The following DNLZ variants were observed in gnomAD, a reference collection of about 807,000 sequenced individuals.
DNLZ encodes the protein DNL-type zinc finger protein.
Under a neutral mutation model 7.8 loss-of-function variants are expected in DNLZ, and 15 were observed. The ratio of observed to expected loss-of-function variants is 1.91; its 90% confidence interval spans 1.28 to 2.95. DNLZ has a LOEUF of 2.95. Ranked by LOEUF, DNLZ falls within the 30% of genes most tolerant of loss-of-function variation. The pLI is 0.00. For synonymous variants in DNLZ, 123 were observed against 77.8 expected (o/e 1.58, Z -3.05); for missense variants, 255 against 167.3 (o/e 1.52, Z -2.89).
Position 136,363,132 on chromosome 9 carries a change from G to C in DNLZ, c.229-4C>G. The C allele has an allele frequency of 6.2e-7, 1 of 1,613,018 alleles. No homozygotes were observed. Among genetic ancestry groups the C allele is most frequent in the Middle Eastern group, 1.7e-4 (1 of 6,052 alleles). ...TGGAGGACCTAGTCCCGCAGACCTG[G>C]CTGGGACAGGGTAGCTGGTGAGGCT... On this transcript the variant is annotated splice_region_variant and splice_polypyrimidine_tract_variant and intron_variant, in intron 1 of 2. Coordinates refer to ENST00000371738, the MANE Select transcript of DNLZ (RefSeq NM_001080849.3).
At position 136,363,035 on chromosome 9, in the gene DNLZ, T is replaced by C; in HGVS notation, c.322A>G (p.Ile108Val). 1.9e-6 allele frequency: 3 copies of C among 1,613,802 alleles called. No homozygotes were observed. The highest frequency in any genetic ancestry group is 2.5e-6 in the Non-Finnish European group (3 of 1,179,966). ...AACCAGCCCAGGTTGTCAGCGATGA[T>C]ATGGTGGTTCTGGCAGCCGGGGCAG... ...VTCPGCQNHHIIADNLGWFSD... is the reference protein window; with the variant it reads ...VTCPGCQNHHVIADNLGWFSD... Residue 108 changes from isoleucine (I) to valine (V), a missense_variant, in exon 2 of 3, where the codon ATC becomes GTC. Physicochemically the swap from Ile to Val is conservative, Grantham distance 29. Transcript: ENST00000371738.
At chr9:136,363,159 T>G (rs1471744673) in intron 1 of DNLZ, 31 bp from the exon 2 acceptor site, 3 of 1,608,684 alleles carry the variant, frequency 1.9e-6, no homozygotes, top group Non-Finnish European at 2.5e-6. Flanking sequence ...GGTGAGGCTG[T>G]GAGGGCCGCC....
Position 136,361,912 on chromosome 9 carries a change from T to G in DNLZ, c.*100A>C. 1 of 902,096 alleles carries G rather than the reference T, an allele frequency of 1.1e-6. No individual in the cohort carries two copies. The highest frequency in any genetic ancestry group is 1.5e-6 in the Non-Finnish European group (1 of 682,150). 55.9% of individuals were successfully genotyped at this position (902,096 alleles called of 1,614,324 possible). A position where few individuals can be genotyped will look rare whatever the true frequency, so the allele number is the denominator to read the frequency against. ...CACAGGCCCCAGCATCTGGAAGTAA[T>G]GTCTGTTTATTGATAGAAAACAGGC... On this transcript the variant is annotated 3_prime_UTR_variant, in exon 3 of 3. Transcript: ENST00000371738.
Position 136,360,590 on chromosome 9 carries a change from G to A in DNLZ, c.*1422C>T, listed in dbSNP as rs1832964757. On this transcript the variant is annotated 3_prime_UTR_variant, in exon 3 of 3. Transcript: ENST00000371738. Reference sequence around the variant, plus strand: ...GGGAGACAGGGTCCAGGGGGCCTCAGGCAGGAGCTGGCGGGATGCTTCTGG... The same window carrying A: ...GGGAGACAGGGTCCAGGGGGCCTCAAGCAGGAGCTGGCGGGATGCTTCTGG... 2.0e-5 allele frequency: 3 copies of A among 152,202 alleles called. No individual in the cohort carries two copies. Among genetic ancestry groups the A allele is most frequent in the African/African-American group, 7.2e-5 (3 of 41,404 alleles). The allele number at this position is 152,202 out of a possible 1,614,324, so 9.4% of individuals were successfully genotyped here. A position where few individuals can be genotyped will look rare whatever the true frequency, so the allele number is the denominator to read the frequency against.
Position 136,363,677 on chromosome 9 carries a change from A to C in DNLZ, c.38T>G (p.Leu13Arg), listed in dbSNP as rs1833030289. The C allele has an allele frequency of 4.8e-6, 2 of 419,942 alleles. No homozygotes were observed. The highest frequency in any genetic ancestry group is 2.1e-5 in the African/African-American group (1 of 47,274). The allele number at this position is 419,942 out of a possible 1,614,324, so 26.0% of individuals were successfully genotyped here. A position where few individuals can be genotyped will look rare whatever the true frequency, so the allele number is the denominator to read the frequency against. Residue 13 changes from leucine (L) to arginine (R), a missense_variant, in exon 1 of 3, where the codon CTG becomes CGG. Leu to Arg is a moderately radical substitution (Grantham distance 102). Transcript: ENST00000371738. ...GGGCGCCCGGGGCTGCACGCGACTC[A>C]GCAACCTCGGCGCGCCGCGCAGCGC... The part of the protein sequence containing the change: ...RTALRGAPRL[L>R]SRVQPRAPCL...
chr9:136,362,918 C>T, intron 2 of DNLZ, 71 bp downstream of exon 2: 2 of 1,472,244 alleles, frequency 1.4e-6, no homozygotes, highest in South Asian at 1.2e-5. Flanking sequence ...AACACTAGGG[C>T]AAGGTTCCCC....
Position 136,362,876 on chromosome 9 carries a change from G to A in DNLZ, c.368+113C>T. The A allele has an allele frequency of 6.4e-6, 6 of 934,872 alleles. No homozygotes were observed. The Middle Eastern group carries it at 8.8e-4, about 137-fold the overall frequency. 57.9% of individuals were successfully genotyped at this position (934,872 alleles called of 1,614,324 possible). A position where few individuals can be genotyped will look rare whatever the true frequency, so the allele number is the denominator to read the frequency against. On this transcript the variant is annotated intron_variant, in intron 2 of 2. Coordinates refer to ENST00000371738, the MANE Select transcript of DNLZ (RefSeq NM_001080849.3). ...CTGTGTGTCTTGTATTGATAAGGTGGCTGGATTTCCCAGGTGAGATCTATA... is the reference window on the plus strand; with the variant it reads ...CTGTGTGTCTTGTATTGATAAGGTGACTGGATTTCCCAGGTGAGATCTATA...
Position 136,360,621 on chromosome 9 carries a change from G to C in DNLZ, c.*1391C>G, listed in dbSNP as rs11145958. On this transcript the variant is annotated 3_prime_UTR_variant, in exon 3 of 3. Transcript: ENST00000371738. ...AGCTGGCGGGATGCTTCTGGCACGC[G>C]GGGGGTAGCCATAGGTCTTCTCTAG... is the stretch of plus-strand genomic sequence containing the variant. 1 of 152,036 alleles carries C rather than the reference G, an allele frequency of 6.6e-6. No homozygotes were observed. Among genetic ancestry groups the C allele is most frequent in the East Asian group, 1.9e-4 (1 of 5,176 alleles). The allele number at this position is 152,036 out of a possible 1,614,324, so 9.4% of individuals were successfully genotyped here.
At chr9:136,362,905 C>A in intron 2 of DNLZ, 84 bp downstream of exon 2, 1 of 1,354,516 alleles carries the variant, frequency 7.4e-7, no homozygotes, top group Non-Finnish European at 1.0e-6. Context: ...ATCTATAAAC[C>A]TCAACACTAG....
chr9:136,361,969 C>T lies in DNLZ; in HGVS notation c.*43G>A. 8.0e-7 allele frequency: 1 copy of T among 1,257,110 alleles called. No individual in the cohort carries two copies. The highest frequency in any genetic ancestry group is 1.0e-6 in the Non-Finnish European group (1 of 993,552). 77.9% of individuals were successfully genotyped at this position (1,257,110 alleles called of 1,614,324 possible). On this transcript the variant is annotated 3_prime_UTR_variant, in exon 3 of 3. Coordinates refer to ENST00000371738, the MANE Select transcript of DNLZ (RefSeq NM_001080849.3). ...CAGAGAGGCCCAGGGCCAAAACCTC[C>T]TTCTGGAAGGCCGAAGTCCCACAGT...
At chr9:136,363,294 C>CCCGCCCCAGGGACGGCT (rs1199370152) in intron 1 of DNLZ, 166 bp from the exon 2 acceptor site, 2 of 765,946 alleles carry the variant, frequency 2.6e-6, no homozygotes, top group African/African-American at 3.4e-5. Flanking sequence ...CCGGGAAGGC[C>CCCGCCCCAGGGACGGCT]CCGCCCCAGG....
In DNLZ at chr9:136,362,562, G is replaced by A. The variant is rs1037584992; in HGVS notation, c.369-382C>T. 7.9e-5 allele frequency among the ~76,000 whole-genome samples: 12 copies of A among 152,326 alleles called. No homozygotes were observed. The South Asian group carries it at 8.3e-4, about 11-fold the overall frequency. Reference sequence around the variant, plus strand: ...GGACCTCCCGGCCAGGCAAGGCCCGGACCAGGCTCCCGGCACCACCTCCAC... The same window carrying A: ...GGACCTCCCGGCCAGGCAAGGCCCGAACCAGGCTCCCGGCACCACCTCCAC... On this transcript the variant is annotated intron_variant, in intron 2 of 2. Coordinates refer to ENST00000371738, the MANE Select transcript of DNLZ (RefSeq NM_001080849.3).
At chr9:136,362,891 T>A in intron 2 of DNLZ, 98 bp downstream of exon 2, 1 of 1,107,394 alleles carries the variant, frequency 9.0e-7, no homozygotes, top group Non-Finnish European at 1.3e-6. Flanking sequence ...ATTTCCCAGG[T>A]GAGATCTATA....
rs1171932874 is a variant in DNLZ, at chr9:136,363,739, T to TGCCCCGGCCCCGCCCCGGCCCC, written c.-26_-25insGGGGCCGGGGCGGGGCCGGGGC. The TGCCCCGGCCCCGCCCCGGCCCC allele has an allele frequency of 4.2e-6, 2 of 481,082 alleles. No individual in the cohort carries two copies. The highest frequency in any genetic ancestry group is 4.7e-5 in the African/African-American group (2 of 42,106). 29.8% of individuals were successfully genotyped at this position (481,082 alleles called of 1,614,324 possible). A position where few individuals can be genotyped will look rare whatever the true frequency, so the allele number is the denominator to read the frequency against. ...TCCCGCTCGCCGGCTCCGTCCGCCC[T>TGCCCCGGCCCCGCCCCGGCCCC]GCCCCGGCCCCGCCCCGCCGCCATC... On this transcript the variant is annotated 5_prime_UTR_variant, in exon 1 of 3. Coordinates refer to ENST00000371738, the MANE Select transcript of DNLZ (RefSeq NM_001080849.3).
At chr9:136,363,328 T>C (rs1833019152) in intron 1 of DNLZ, 159 bp downstream of exon 1, 1 of 671,062 alleles carries the variant, frequency 1.5e-6, no homozygotes, top group Middle Eastern at 3.9e-4. Flanking sequence ...CTCCTCATGG[T>C]CCGCCTCCGC....
chr9:136,363,639 G>T lies in DNLZ; in HGVS notation c.76C>A (p.Leu26Met). ...VQPRAPCLRR[L>M]WGRGARPEVA... ...TCTGGACGGGCCCCGCGGCCCCACA[G>T]CCGCCTCAGGCAGGGCGCCCGGGGC... The change falls in exon 1 of 3, where the codon CTG (leucine) becomes ATG (methionine). Residue 26 changes from leucine (L) to methionine (M), a missense_variant. Transcript: ENST00000371738. The T allele has an allele frequency of 4.5e-6, 2 of 447,626 alleles. No individual in the cohort carries two copies. The highest frequency in any genetic ancestry group is 8.4e-5 in the South Asian group (2 of 23,728). 27.7% of individuals were successfully genotyped at this position (447,626 alleles called of 1,614,324 possible).
chr9:136,363,433 C>T, intron 1 of DNLZ, 54 bp downstream of exon 1: 1 of 761,580 alleles, frequency 1.3e-6, no homozygotes, highest in Non-Finnish European at 2.4e-6. Context: ...TCCCCGCAGG[C>T]CGTGTAGCGT....
chr9:136,362,024 C>T lies in DNLZ; in HGVS notation c.525G>A (p.Thr175=), dbSNP rs538220188. 5 of 1,328,572 alleles carry T rather than the reference C, an allele frequency of 3.8e-6. No homozygotes were observed. Among genetic ancestry groups the T allele is most frequent in the Admixed American group, 3.4e-5 (1 of 29,196 alleles). 82.3% of individuals were successfully genotyped at this position (1,328,572 alleles called of 1,614,324 possible). Residue 175 remains threonine, a synonymous_variant, in exon 3 of 3, where the codon ACG becomes ACA. Transcript: ENST00000371738. The part of the protein sequence containing the change: ...EDEGPPSPGK[T]EPS ...GGGAGCGCAGGAGTCAGCTCGGCTC[C>T]GTCTTGCCAGGGCTGGGGGGACCCT...
chr9:136,361,772 T>C lies in DNLZ; in HGVS notation c.*240A>G, dbSNP rs953200735. 5.2e-6 allele frequency: 2 copies of C among 387,062 alleles called. No individual in the cohort carries two copies. The highest frequency in any genetic ancestry group is 9.1e-6 in the Non-Finnish European group (2 of 219,496). 24.0% of individuals were successfully genotyped at this position (387,062 alleles called of 1,614,324 possible). On this transcript the variant is annotated 3_prime_UTR_variant, in exon 3 of 3. Coordinates refer to ENST00000371738, the MANE Select transcript of DNLZ (RefSeq NM_001080849.3). ...TCTGTGGGCAAGAGCTGGGTGACTC[T>C]GTGTAGAAGGAACTGTGGTGAGGCG...
Sources: allele counts gnomAD v4.1 joint callset (sites outside exome capture counted in the v4.1 genomes callset), GRCh38; gene constraint gnomAD v4.1.1; transcripts MANE v1.5; gene names NCBI Gene and HGNC (gene_info 2026-07-23, HGNC 2026-07-21).